TAGLN3: variants seen among roughly 807,000 people sequenced by gnomAD.
The protein encoded by TAGLN3 is transgelin-3.
A neutral mutation model predicts 25.4 loss-of-function variants in TAGLN3; 12 were observed. The observed-to-expected ratio is 0.47, with a 90% CI of 0.30 to 0.77. The LOEUF is 0.77. Ranked by LOEUF, TAGLN3 falls within the 30% of genes least tolerant of loss-of-function variation. The pLI is 0.06. For synonymous variants in TAGLN3, 96 were observed against 94.8 expected, an observed-to-expected ratio of 1.01 and a Z score of -0.08; for missense variants, 218 against 255.8, an observed-to-expected ratio of 0.85 and a Z score of 1.01.
At chr3:112,000,131 G>A (rs1247419920) in intron 2 of TAGLN3, among the ~76,000 whole-genome samples, 1 of 152,220 alleles carries the variant, frequency 6.6e-6, no homozygotes, top group Non-Finnish European at 1.5e-5. Context: ...ATGCTCGTGT[G>A]TGTTTGAGGG....
At chr3:112,004,585 C>T (rs1388783348) in intron 3 of TAGLN3, among the ~76,000 whole-genome samples, 2 of 152,006 alleles carry the variant, frequency 1.3e-5, no homozygotes, top group Non-Finnish European at 2.9e-5. Context: ...CTCTAAGCCT[C>T]GATTTTCTCA....
intron 3 of TAGLN3, among the ~76,000 whole-genome samples, chr3:112,009,164 A>G (rs1399932521): frequency 5.3e-5 from 8 of 152,202 alleles, no homozygotes; most frequent in Admixed American, 3.9e-4. Context: ...AACACCTCCT[A>G]CTAAGCCCAC....
In TAGLN3 at chr3:112,000,900, T is replaced by C. The variant is rs752651833; in HGVS notation, c.309T>C (p.Tyr103=). 21 of 1,614,174 alleles carry C rather than the reference T, an allele frequency of 1.3e-5. No homozygotes were observed. In the East Asian group the frequency reaches 4.0e-4, roughly 31 times the overall value. The change falls in exon 3 of 5, where the codon TAT becomes TAC. Residue 103 remains tyrosine (Y), a synonymous_variant. Transcript: ENST00000478951. ...ISQFLKAAET[Y]GVRTTDIFQT... ...AGTTCCTAAAAGCTGCGGAGACCTA[T>C]GGTGTCAGAACCACCGACATCTTTC...
intron 3 of TAGLN3, among the ~76,000 whole-genome samples, chr3:112,005,603 A>T (rs1443869957): frequency 6.6e-6 from 1 of 152,108 alleles, no homozygotes; most frequent in Non-Finnish European, 1.5e-5. Flanking sequence ...GGTATTTCAC[A>T]CAGCATGAGA....
In TAGLN3 at chr3:111,999,593, G is replaced by C; in HGVS notation, c.171G>C (p.Met57Ile). 6.2e-7 allele frequency: 1 copy of C among 1,613,712 alleles called. No homozygotes were observed. The highest frequency in any genetic ancestry group is 8.5e-7 in the Non-Finnish European group (1 of 1,179,738). Residue 57 changes from methionine to isoleucine, a missense_variant, in exon 2 of 5, where the codon ATG (methionine) becomes ATC (isoleucine). Met to Ile is a conservative substitution (Grantham distance 10, BLOSUM62 1). Coordinates refer to ENST00000478951, the MANE Select transcript of TAGLN3 (RefSeq NM_001008272.2). ...GGGCCCATTTTCAGAAATGGTTAAT[G>C]GACGGGACGGTAAGGCCGGCAGCGA... ...PGRAHFQKWL[M>I]DGTVLCKLIN...
intron 3 of TAGLN3, among the ~76,000 whole-genome samples, chr3:112,007,937 A>G (rs977900368): frequency 1.3e-5 from 2 of 152,284 alleles, no homozygotes; most frequent in African/African-American, 2.4e-5. Context: ...CCTCACAATC[A>G]TCCCAGGAGA....
At position 112,013,456 on chromosome 3, in the gene TAGLN3, C is replaced by T; in HGVS notation, c.505C>T (p.Gln169Ter). 9 of 1,614,146 alleles carry T rather than the reference C, an allele frequency of 5.6e-6. No individual in the cohort carries two copies. Among genetic ancestry groups the T allele is most frequent in the Non-Finnish European group, 7.6e-6 (9 of 1,179,998 alleles). Reference protein sequence around the residue: ...RRGFSEEQLRQGQNVIGLQMG... With the variant: ...RRGFSEEQLR ...AGGCTTTTCCGAGGAGCAGCTTCGC[C>T]AGGGACAGAACGTAATAGGCCTGCA... is the stretch of plus-strand genomic sequence containing the variant. The change falls in exon 5 of 5, where the codon CAG becomes TAG. Residue 169 changes from glutamine (Q) to a stop codon, truncating the protein, a stop_gained. Coordinates refer to ENST00000478951, the MANE Select transcript of TAGLN3 (RefSeq NM_001008272.2). LOFTEE classifies it high-confidence loss of function.
chr3:112,013,691 C>T lies in TAGLN3; in HGVS notation c.*140C>T, dbSNP rs777653529. The T allele has an allele frequency of 6.1e-6, 8 of 1,314,196 alleles. No individual in the cohort carries two copies. The highest frequency in any genetic ancestry group is 2.9e-5 in the African/African-American group (2 of 68,514). The allele number at this position is 1,314,196 out of a possible 1,614,324, so 81.4% of individuals were successfully genotyped here. ...CTGGTTTTTGCAAGTGCTGCATTTC[C>T]GCCGAGAATCCGCGTTGCCTACTGC... On this transcript the variant is annotated 3_prime_UTR_variant, in exon 5 of 5. Coordinates refer to ENST00000478951, the MANE Select transcript of TAGLN3 (RefSeq NM_001008272.2).
At chr3:112,011,000 G>A (rs973678114) in intron 3 of TAGLN3, among the ~76,000 whole-genome samples, 3 of 152,134 alleles carry the variant, frequency 2.0e-5, no homozygotes, top group African/African-American at 4.8e-5. Flanking sequence ...ACAGTTCCCC[G>A]CCAGGTTAGA....
intron 3 of TAGLN3, among the ~76,000 whole-genome samples, chr3:112,007,960 C>G (rs925007766): frequency 1.3e-5 from 2 of 152,166 alleles, no homozygotes; most frequent in African/African-American, 2.4e-5. Context: ...GCCCCAGAAT[C>G]TGAATATTTA....
chr3:111,999,268 T>C, intron 1 of TAGLN3, 153 bp from the exon 2 acceptor site: 1 of 804,254 alleles, frequency 1.2e-6, no homozygotes, highest in East Asian at 2.7e-5. Context: ...TTGGCTTCAT[T>C]GGCTCCTTGA....
intron 2 of TAGLN3, 160 bp from the exon 3 acceptor site, chr3:112,000,612 G>A (rs1175223971): frequency 2.6e-5 from 18 of 691,690 alleles, no homozygotes; most frequent in Non-Finnish European, 4.2e-5. Flanking sequence ...TAGTATAGGA[G>A]CCTGGCTACA....
At chr3:112,000,702 A>G (rs558098362) in intron 2 of TAGLN3, 70 bp from the exon 3 acceptor site, 1 of 1,515,792 alleles carries the variant, frequency 6.6e-7, no homozygotes, top group South Asian at 1.2e-5. Context: ...CGTGAGCAGG[A>G]TTCACTTCTC....
intron 3 of TAGLN3, among the ~76,000 whole-genome samples, chr3:112,010,376 G>T (rs2072962497): frequency 6.6e-6 from 1 of 152,038 alleles, no homozygotes; most frequent in Non-Finnish European, 1.5e-5. Flanking sequence ...ATTTCTCTAG[G>T]TTCCCTTTAA....
At chr3:112,007,348 T>C (rs567150995) in intron 3 of TAGLN3, among the ~76,000 whole-genome samples, 1 of 152,360 alleles carries the variant, frequency 6.6e-6, no homozygotes, top group African/African-American at 2.4e-5. Context: ...ATATTCATCA[T>C]TGCGGTGTCA....
At chr3:112,007,651 G>A (rs1033150822) in intron 3 of TAGLN3, among the ~76,000 whole-genome samples, 1 of 152,212 alleles carries the variant, frequency 6.6e-6, no homozygotes, top group Non-Finnish European at 1.5e-5. Context: ...TGGCTTTCAA[G>A]CTCACTTGAG....
At chr3:111,999,748 C>CCAACCCTGAAGAAATAA in intron 2 of TAGLN3, 146 bp downstream of exon 2, 2 of 1,125,462 alleles carry the variant, frequency 1.8e-6, no homozygotes, top group Non-Finnish European at 2.5e-6. Flanking sequence ...TTTATTTCTT[C>CCAACCCTGAAGAAATAA]AGGGTTGGAA....
In TAGLN3 at chr3:111,999,611, G is replaced by C. The variant is rs199511414; in HGVS notation, c.180+9G>C. On this transcript the variant is annotated intron_variant, in intron 2 of 4. Transcript: ENST00000478951. The stretch of plus-strand genomic sequence containing the variant: ...GGTTAATGGACGGGACGGTAAGGCC[G>C]GCAGCGATCTCGGTTGCTGGGGCGG... 1 of 1,610,364 alleles carries C rather than the reference G, an allele frequency of 6.2e-7. No individual in the cohort carries two copies. The highest frequency in any genetic ancestry group is 2.2e-5 in the East Asian group (1 of 44,764).
intron 3 of TAGLN3, among the ~76,000 whole-genome samples, chr3:112,010,414 TC>T (rs1258957293): frequency 6.6e-6 from 1 of 152,196 alleles, no homozygotes; most frequent in African/African-American, 2.4e-5. Context: ...GCAAGTCCTC[TC>T]CCTATCTCTT....
Sources: allele counts gnomAD v4.1 joint callset (sites outside exome capture counted in the v4.1 genomes callset), GRCh38; gene constraint gnomAD v4.1.1; transcripts MANE v1.5; gene names NCBI Gene and HGNC (gene_info 2026-07-23, HGNC 2026-07-21).